Variants in PIAS1 observed in about 807,000 individuals in gnomAD.
PIAS1 encodes the protein protein inhibitor of activated STAT 1.
PIAS1 carries 6 observed loss-of-function variants against 71.3 expected under a neutral mutation model. The observed-to-expected ratio is 0.08, with a 90% CI of 0.05 to 0.17. PIAS1 has a LOEUF of 0.17. PIAS1 is among the 10% of genes least tolerant of loss of function. The pLI is 1.00. For synonymous variants in PIAS1, 303 were observed against 292.9 expected (o/e 1.03, Z -0.35); for missense variants, 555 against 793.6 (o/e 0.70, Z 3.61).
intron 2 of PIAS1, among the ~76,000 whole-genome samples, chr15:68,091,523 A>G (rs953948830): frequency 3.3e-5 from 5 of 152,158 alleles, no homozygotes; most frequent in Admixed American, 1.3e-4. Context: ...CAAATAGAAA[A>G]TACATTTTTA....
intron 2 of PIAS1, among the ~76,000 whole-genome samples, chr15:68,113,003 T>C (rs2092535270): frequency 6.6e-6 from 1 of 152,226 alleles, no homozygotes; most frequent in Admixed American, 6.5e-5. Flanking sequence ...TACATCTATA[T>C]GGTAGAATAC....
chr15:68,144,691 ATC>A, intron 4 of PIAS1, among the ~76,000 whole-genome samples: 1 of 152,196 alleles, frequency 6.6e-6, no homozygotes, highest in African/African-American at 2.4e-5. Flanking sequence ...GAGCTTTGAC[ATC>A]TGTTTGCTAA....
At chr15:68,071,262 C>T (rs1350158404) in intron 1 of PIAS1, among the ~76,000 whole-genome samples, 7 of 100,200 alleles carry the variant, frequency 7.0e-5, no homozygotes, top group African/African-American at 2.3e-4. Context: ...AGGGAGTTTG[C>T]TTCATTCTTT....
At chr15:68,146,477 T>C in intron 5 of PIAS1, 89 bp from the exon 6 acceptor site, 2 of 844,122 alleles carry the variant, frequency 2.4e-6, no homozygotes, top group Middle Eastern at 2.4e-4. Flanking sequence ...TTTTCTAGTA[T>C]GCAGTTTGTA....
intron 2 of PIAS1, among the ~76,000 whole-genome samples, chr15:68,134,542 A>C (rs371683615): frequency 8.2e-3 from 163 of 19,926 alleles, no homozygotes; most frequent in East Asian, 0.014. Context: ...GGCAGAGGGG[A>C]TCCTCACTTC....
rs1430372364 is a variant in PIAS1, at chr15:68,167,221, A to G, written c.1008+2417A>G. Among the ~76,000 whole-genome samples the G allele has an allele frequency of 6.6e-6, 1 of 151,916 alleles. No individual in the cohort carries two copies. Among genetic ancestry groups the G allele is most frequent in the East Asian group, 1.9e-4 (1 of 5,202 alleles). On this transcript the variant is annotated intron_variant, in intron 8 of 13. Transcript: ENST00000249636. This position sits in a 1 kb window ranked among gnomAD's most constrained non-coding sequence, Gnocchi z 4.4. ...TGTGTGTGTGTGTGTGTGTATGTGT[A>G]AAATGTATAATTATAATACTTTCAT...
chr15:68,099,686 T>G (rs1020778561), intron 2 of PIAS1, among the ~76,000 whole-genome samples: 1 of 151,596 alleles, frequency 6.6e-6, no homozygotes, highest in Admixed American at 6.6e-5. Context: ...GTTTTTTTTT[T>G]GGGAGAAAAT....
chr15:68,151,707 C>CACAAAA (rs140053964), intron 6 of PIAS1, among the ~76,000 whole-genome samples: 1 of 134,406 alleles, frequency 7.4e-6, no homozygotes, highest in African/African-American at 2.8e-5. Context: ...CACACACACA[C>CACAAAA]AAATTAGCTA....
At chr15:68,057,424 A>G (rs2091908216) in intron 1 of PIAS1, 2 of 399,552 alleles carry the variant, frequency 5.0e-6, no homozygotes, top group African/African-American at 4.3e-5. Context: ...AAAAAAAAAT[A>G]TGTGTTTTTT....
At position 68,057,571 on chromosome 15, in the gene PIAS1, C is replaced by T. The variant is rs560129408; in HGVS notation, c.24+3221C>T. On this transcript the variant is annotated intron_variant, in intron 1 of 13. Coordinates refer to ENST00000249636, the MANE Select transcript of PIAS1 (RefSeq NM_016166.3). The stretch of plus-strand genomic sequence containing the variant: ...AGAGAAACCATAATTATAAAAGTTA[C>T]TATGAGTGTGTCAGTGAATTCTATT... The T allele has an allele frequency of 3.4e-4, 140 of 406,654 alleles. 3 individuals are homozygous for T. Among genetic ancestry groups the T allele is most frequent in the South Asian group, 2.4e-3 (135 of 55,186 alleles). 25.2% of individuals were successfully genotyped at this position (406,654 alleles called of 1,614,324 possible).
intron 2 of PIAS1, among the ~76,000 whole-genome samples, chr15:68,124,215 C>T (rs577214023): frequency 6.6e-6 from 1 of 152,072 alleles, no homozygotes; most frequent in Non-Finnish European, 1.5e-5. Flanking sequence ...CAGGGTATTA[C>T]TCTTGCATTC....
At chr15:68,089,720 C>G (rs1392744484) in intron 2 of PIAS1, among the ~76,000 whole-genome samples, 2 of 151,954 alleles carry the variant, frequency 1.3e-5, no homozygotes, top group Admixed American at 6.6e-5. Flanking sequence ...CCATGCCCGA[C>G]TAATTTTGTA....
Position 68,187,185 on chromosome 15 carries a change from C to T in PIAS1, c.1663-357C>T, listed in dbSNP as rs2093093434. 6.6e-6 allele frequency among the ~76,000 whole-genome samples: 1 copy of T among 152,206 alleles called. No homozygotes were observed. ...GTGAGTCATATTGACTGATAGATTT[C>T]TTGGCTAAGTATCTCCTTACTAGCA... is the stretch of plus-strand genomic sequence containing the variant. On this transcript the variant is annotated intron_variant, in intron 13 of 13. Transcript: ENST00000249636. This position sits in a 1 kb window ranked among gnomAD's most constrained non-coding sequence, Gnocchi z 5.3.
At chr15:68,106,091 T>C (rs1479604117) in intron 2 of PIAS1, among the ~76,000 whole-genome samples, 9 of 152,018 alleles carry the variant, frequency 5.9e-5, no homozygotes, top group Non-Finnish European at 1.2e-4. Context: ...GTTGTAGATA[T>C]TGATTCAAGT....
At chr15:68,138,622 A>G (rs547460016) in intron 2 of PIAS1, among the ~76,000 whole-genome samples, 2 of 152,142 alleles carry the variant, frequency 1.3e-5, no homozygotes, top group South Asian at 2.1e-4. Context: ...TTACAGGCGC[A>G]TGCCACCACA....
intron 2 of PIAS1, among the ~76,000 whole-genome samples, chr15:68,121,893 C>G (rs2092616413): frequency 6.6e-6 from 1 of 152,088 alleles, no homozygotes; most frequent in South Asian, 2.1e-4. Flanking sequence ...TTTGGGAGGC[C>G]AAGGCGGGCA....
chr15:68,114,129 A>G (rs2092545825), intron 2 of PIAS1, among the ~76,000 whole-genome samples: 1 of 152,102 alleles, frequency 6.6e-6, no homozygotes. Context: ...AAAACAATAC[A>G]TATGCTCAAT....
At chr15:68,062,984 G>T (rs1466042299) in intron 1 of PIAS1, among the ~76,000 whole-genome samples, 2 of 152,078 alleles carry the variant, frequency 1.3e-5, no homozygotes, top group Admixed American at 1.3e-4. Context: ...ATGGTTAAAA[G>T]TTCTTAACAA....
chr15:68,138,116 C>G (rs533734393), intron 2 of PIAS1, among the ~76,000 whole-genome samples: 1 of 152,252 alleles, frequency 6.6e-6, no homozygotes, highest in East Asian at 1.9e-4. Context: ...TGCCACTGCA[C>G]TCTAGCGTGG....
Sources: gnomAD v4.1 joint callset for allele counts (sites outside exome capture counted in the v4.1 genomes callset) on GRCh38, gnomAD v4.1.1 for gene constraint, Gnocchi (gnomAD v3.1) non-coding constraint, MANE v1.5 for transcripts, NCBI Gene and HGNC (gene_info 2026-07-23, HGNC 2026-07-21) for gene names.